The following RANGAP1 variants were observed in gnomAD, a reference collection of about 807,000 sequenced individuals.
RANGAP1 encodes ran GTPase-activating protein 1.
Under a neutral mutation model 63.5 loss-of-function variants are expected in RANGAP1, and 38 were observed. That is an observed-to-expected ratio of 0.60 (90% CI 0.46 to 0.78). The LOEUF (loss-of-function observed/expected upper bound fraction) is 0.78. RANGAP1 is among the 30% of genes least tolerant of loss of function. The probability of loss-of-function intolerance (pLI) is 0.00; values close to 1 mark genes in which losing one functional copy is unlikely to be tolerated. For synonymous variants in RANGAP1, 329 were observed against 310.5 expected, an observed-to-expected ratio of 1.06 and a Z score of -0.63; for missense variants, 630 against 740.3, an observed-to-expected ratio of 0.85 and a Z score of 1.73.
chr22:41,275,588 G>A (rs2035087482), intron 2 of RANGAP1, among the ~76,000 whole-genome samples: 1 of 151,512 alleles, frequency 6.6e-6, no homozygotes, highest in Non-Finnish European at 1.5e-5. Context: ...AGACCAGCCT[G>A]ACCAATATAG....
At chr22:41,260,852 AG>A (rs2034124945) in intron 6 of RANGAP1, among the ~76,000 whole-genome samples, 1 of 152,178 alleles carries the variant, frequency 6.6e-6, no homozygotes, top group Admixed American at 6.5e-5. Flanking sequence ...CAAAAAAAAC[AG>A]GAAAGAGAGG....
Position 41,246,600 on chromosome 22 carries a change from A to G in RANGAP1, c.*3T>C. ...AGGCCAAGGGATGGGAGAGGCTTTG[A>G]GTCTAGACCTTGTACAGCGTCTGCA... On this transcript the variant is annotated 3_prime_UTR_variant, in exon 16 of 16. Transcript: ENST00000356244. The G allele has an allele frequency of 6.4e-7, 1 of 1,563,808 alleles. No homozygotes were observed. Among genetic ancestry groups the G allele is most frequent in the Non-Finnish European group, 8.7e-7 (1 of 1,150,040 alleles).
intron 1 of RANGAP1, among the ~76,000 whole-genome samples, chr22:41,284,181 A>G (rs922524639): frequency 2.0e-5 from 3 of 152,076 alleles, no homozygotes; most frequent in Admixed American, 2.0e-4. Flanking sequence ...CGGTAGGTGG[A>G]GCTTGCAGTG....
intron 11 of RANGAP1, among the ~76,000 whole-genome samples, chr22:41,253,589 G>C (rs142691754): frequency 3.1e-4 from 47 of 152,292 alleles, no homozygotes; most frequent in African/African-American, 1.1e-3. Flanking sequence ...GGGACACCAA[G>C]TGCCCAAGCC....
Position 41,257,051 on chromosome 22 carries a change from G to A in RANGAP1, c.775-227C>T, listed in dbSNP as rs1569181082. Among the ~76,000 whole-genome samples, 1 of 152,016 alleles carries A rather than the reference G, an allele frequency of 6.6e-6. No homozygotes were observed. The highest frequency in any genetic ancestry group is 1.5e-5 in the Non-Finnish European group (1 of 67,996). ...CAGAACTCTTCCTGAGACCAACCAA[G>A]CAAGGTTCCTGCTGAGCATCCGGGT... On this transcript the variant is annotated intron_variant, in intron 7 of 15. Coordinates refer to ENST00000356244, the MANE Select transcript of RANGAP1 (RefSeq NM_002883.4). The surrounding 1 kb of genome is among the most constrained non-coding windows in gnomAD (Gnocchi z 4.0).
chr22:41,285,437 C>G (rs1174993639), intron 1 of RANGAP1: 2 of 926,324 alleles, frequency 2.2e-6, no homozygotes, highest in Admixed American at 6.2e-5. Context: ...AGCGCCAGAG[C>G]AAAAGCAAAG....
intron 2 of RANGAP1, among the ~76,000 whole-genome samples, chr22:41,278,291 G>A (rs974241464): frequency 2.0e-5 from 3 of 152,028 alleles, no homozygotes; most frequent in Non-Finnish European, 2.9e-5. Flanking sequence ...TGCCCACCTC[G>A]GCCTCCCAAA....
At position 41,254,514 on chromosome 22, in the gene RANGAP1, A is replaced by G. The variant is rs2033692602; in HGVS notation, c.1074-20T>C. On this transcript the variant is annotated intron_variant, in intron 10 of 15. Transcript: ENST00000356244. ...TCATCACTGCAGAAAGAGCTGGCTG[A>G]AGCAGATCCTCTCTACCCAGCAGCC... 6.4e-7 allele frequency: 1 copy of G among 1,566,296 alleles called. No individual in the cohort carries two copies. The highest frequency in any genetic ancestry group is 8.6e-7 in the Non-Finnish European group (1 of 1,161,826).
At chr22:41,249,557 C>T in intron 14 of RANGAP1, 106 bp from the exon 15 acceptor site, 1 of 1,565,062 alleles carries the variant, frequency 6.4e-7, no homozygotes, top group Admixed American at 1.8e-5. Flanking sequence ...CTGAGTCTAG[C>T]CGGAATCTCA....
chr22:41,256,296 A>G lies in RANGAP1; in HGVS notation c.889-6T>C. The G allele has an allele frequency of 6.2e-7, 1 of 1,613,936 alleles. No individual in the cohort carries two copies. Among genetic ancestry groups the G allele is most frequent in the Non-Finnish European group, 8.5e-7 (1 of 1,179,854 alleles). ...CAGAATGACAAGTTCAGCTCCTGAA[A>G]ATAAGAGGAAGGGTTGGAGGCAGGC... On this transcript the variant is annotated splice_region_variant and splice_polypyrimidine_tract_variant and intron_variant, in intron 8 of 15. Coordinates refer to ENST00000356244, the MANE Select transcript of RANGAP1 (RefSeq NM_002883.4).
At chr22:41,292,156 AT>A in the RANGAP1 span, among the ~76,000 whole-genome samples, 2 of 143,854 alleles carry the variant, frequency 1.4e-5, no homozygotes, top group African/African-American at 2.5e-5. Flanking sequence ...ATATTAAAAC[AT>A]TTTTTTTGAG....
the RANGAP1 span, among the ~76,000 whole-genome samples, chr22:41,291,501 G>C: frequency 6.6e-6 from 1 of 151,632 alleles, no homozygotes; most frequent in Non-Finnish European, 1.5e-5. Flanking sequence ...GGGAGGCCTA[G>C]GCAGGAGAAT....
At chr22:41,277,907 A>G (rs769886696) in intron 2 of RANGAP1, among the ~76,000 whole-genome samples, 14 of 152,018 alleles carry the variant, frequency 9.2e-5, no homozygotes, top group Non-Finnish European at 1.2e-4. Context: ...CCTATTCCAG[A>G]TTTGCTGCTT....
chr22:41,266,676 AG>A (rs2034494561), intron 4 of RANGAP1, among the ~76,000 whole-genome samples: 1 of 152,048 alleles, frequency 6.6e-6, no homozygotes. Context: ...TGGGATTACA[AG>A]GCCCCTGCCA....
At chr22:41,273,416 A>G (rs1352609693) in intron 3 of RANGAP1, among the ~76,000 whole-genome samples, 1 of 152,154 alleles carries the variant, frequency 6.6e-6, no homozygotes, top group Non-Finnish European at 1.5e-5. Flanking sequence ...CGGGGCTAGA[A>G]TAACCTGACT....
chr22:41,252,848 TG>T, intron 12 of RANGAP1, 23 bp downstream of exon 12: 1 of 1,556,016 alleles, frequency 6.4e-7, no homozygotes, highest in Non-Finnish European at 8.7e-7. Context: ...ACGTACAGCG[TG>T]GGGGTCGAGG....
At chr22:41,277,347 G>C in intron 2 of RANGAP1, 1 of 551,640 alleles carries the variant, frequency 1.8e-6, no homozygotes, top group Non-Finnish European at 2.7e-6. Context: ...CAAACTGCTG[G>C]GATTACAGGC....
Position 41,247,124 on chromosome 22 carries a change from C to T in RANGAP1, c.1695-452G>A, listed in dbSNP as rs980187310. Among the ~76,000 whole-genome samples, 10 of 151,544 alleles carry T rather than the reference C, an allele frequency of 6.6e-5. 1 individual carries two copies. The highest frequency in any genetic ancestry group is 1.2e-4 in the African/African-American group (5 of 41,218). ...AGGCTGGAGTGCAGTGGTGCGATCT[C>T]GGCTCACTGCAAGCTCCGCCTCCCG... On this transcript the variant is annotated intron_variant, in intron 15 of 15. Transcript: ENST00000356244.
At chr22:41,250,644 T>A (rs1203455517) in intron 13 of RANGAP1, among the ~76,000 whole-genome samples, 1 of 152,168 alleles carries the variant, frequency 6.6e-6, no homozygotes, top group Non-Finnish European at 1.5e-5. Context: ...AGAGTGGACG[T>A]GAGCACAGAA....
Sources: allele counts gnomAD v4.1 joint callset (sites outside exome capture counted in the v4.1 genomes callset), GRCh38; gene constraint gnomAD v4.1.1; non-coding constraint Gnocchi (gnomAD v3.1); transcripts MANE v1.5; gene names NCBI Gene and HGNC (gene_info 2026-07-23, HGNC 2026-07-21).